Variants in TYW3 observed in about 807,000 individuals in gnomAD.
TYW3 encodes the protein tRNA-yW synthesizing protein 3 homolog.
TYW3 carries 26 observed loss-of-function variants against 23.1 expected under a neutral mutation model. That is an observed-to-expected ratio of 1.13 (90% CI 0.83 to 1.56). The LOEUF (loss-of-function observed/expected upper bound fraction) is 1.56, where lower values mean the gene tolerates loss of function less well. Among genes scored for constraint, TYW3 ranks in the 40% most tolerant of loss-of-function variants. TYW3 has a pLI of 0.00. For missense variants in TYW3, 316 were observed against 311.9 expected, an observed-to-expected ratio of 1.01 and a Z score of -0.10; for synonymous variants, 102 against 105.7, an observed-to-expected ratio of 0.97 and a Z score of 0.21.
intron 5 of TYW3, among the ~76,000 whole-genome samples, chr1:74,754,877 C>T (rs559369022): frequency 1.3e-5 from 2 of 152,118 alleles, no homozygotes; most frequent in African/African-American, 4.8e-5. Flanking sequence ...CAGGGACTGA[C>T]ACCAGATGTA....
At chr1:74,748,535 C>G (rs1011720316) in intron 3 of TYW3, 20 of 488,146 alleles carry the variant, frequency 4.1e-5, no homozygotes, top group African/African-American at 4.0e-4. Flanking sequence ...TACTCTTTCT[C>G]AATGACACAT....
chr1:74,735,614 A>G (rs1557740921), intron 1 of TYW3, among the ~76,000 whole-genome samples: 1 of 152,276 alleles, frequency 6.6e-6, no homozygotes, highest in Non-Finnish European at 1.5e-5. Context: ...AGATGAAGCC[A>G]GCGATGGCAT....
At chr1:74,760,329 C>T (rs559456101) in intron 5 of TYW3, among the ~76,000 whole-genome samples, 8 of 152,066 alleles carry the variant, frequency 5.3e-5, no homozygotes, top group Non-Finnish European at 1.0e-4. Flanking sequence ...TGTAAGTGGA[C>T]CTGTGTAGTT....
chr1:74,755,089 A>C lies in TYW3; in HGVS notation c.560+2664A>C, dbSNP rs1012709397. The stretch of plus-strand genomic sequence containing the variant: ...GAAAATATTACATAAAATGTACAAT[A>C]AAGGGGCAGAATATATTGTCATCTA... On this transcript the variant is annotated intron_variant, in intron 5 of 5. Transcript: ENST00000370867. Among the ~76,000 whole-genome samples, 3 of 152,234 alleles carry C rather than the reference A, an allele frequency of 2.0e-5. No individual in the cohort carries two copies. In the South Asian group the frequency reaches 6.2e-4, roughly 31 times the overall value.
At chr1:74,740,627 G>A (rs1648319567) in intron 3 of TYW3, among the ~76,000 whole-genome samples, 2 of 152,186 alleles carry the variant, frequency 1.3e-5, no homozygotes, top group African/African-American at 4.8e-5. Context: ...TTTTTACAGA[G>A]TGCTGATTGG....
chr1:74,744,880 A>G (rs150147184), intron 3 of TYW3, among the ~76,000 whole-genome samples: 2,711 of 152,018 alleles, frequency 0.018, 73 homozygotes, highest in African/African-American at 0.063. Context: ...TGAGTGTTAC[A>G]GCTCTTAAAG....
chr1:74,766,119 C>T lies in TYW3; in HGVS notation c.*2006C>T. ...ATGTGGTCATTGTAAAGCTGTAGCA[C>T]AACACATTACCCACGTTTGTGGTGA... On this transcript the variant is annotated 3_prime_UTR_variant, in exon 6 of 6. Transcript: ENST00000370867. 6.6e-6 allele frequency: 1 copy of T among 152,104 alleles called. No homozygotes were observed. Among genetic ancestry groups the T allele is most frequent in the East Asian group, 1.9e-4 (1 of 5,164 alleles). The allele number at this position is 152,104 out of a possible 1,614,324, so 9.4% of individuals were successfully genotyped here.
intron 5 of TYW3, among the ~76,000 whole-genome samples, chr1:74,754,700 T>C: frequency 6.6e-6 from 1 of 152,182 alleles, no homozygotes; most frequent in South Asian, 2.1e-4. Context: ...AGAGGTAGAA[T>C]ATTTTTAATA....
chr1:74,757,380 G>T (rs72973623), intron 5 of TYW3, among the ~76,000 whole-genome samples: 4,984 of 152,292 alleles, frequency 0.033, 257 homozygotes, highest in African/African-American at 0.11. Flanking sequence ...AAGACTATGG[G>T]AACCCACCTC....
At chr1:74,760,631 G>T (rs774353309) in intron 5 of TYW3, among the ~76,000 whole-genome samples, 3 of 152,182 alleles carry the variant, frequency 2.0e-5, no homozygotes, top group Non-Finnish European at 2.9e-5. Context: ...TGTAGCTCCT[G>T]TTAAACCATG....
At chr1:74,740,811 T>A (rs1233760471) in intron 3 of TYW3, among the ~76,000 whole-genome samples, 1 of 152,234 alleles carries the variant, frequency 6.6e-6, no homozygotes, top group Non-Finnish European at 1.5e-5. Context: ...CGCTAATTGG[T>A]GCGTTTTTAC....
intron 5 of TYW3, among the ~76,000 whole-genome samples, chr1:74,755,241 G>A (rs957845371): frequency 6.6e-6 from 1 of 152,056 alleles, no homozygotes; most frequent in African/African-American, 2.4e-5. Context: ...GTGGCATTAA[G>A]TGCATTCACA....
chr1:74,762,417 G>A (rs1649165615), intron 5 of TYW3, among the ~76,000 whole-genome samples: 1 of 152,086 alleles, frequency 6.6e-6, no homozygotes, highest in Non-Finnish European at 1.5e-5. Flanking sequence ...GCAGTGGCAG[G>A]GGGGTTTCCT....
At position 74,766,229 on chromosome 1, in the gene TYW3, A is replaced by G. The variant is rs1365254726; in HGVS notation, c.*2116A>G. ...TATGTTACTGGTTTGTGTCTTTGCT[A>G]TGCTTTTTATCATTATTTTAGGGTA... On this transcript the variant is annotated 3_prime_UTR_variant, in exon 6 of 6. Transcript: ENST00000370867. 1 of 152,134 alleles carries G rather than the reference A, an allele frequency of 6.6e-6. No individual in the cohort carries two copies. The highest frequency in any genetic ancestry group is 1.5e-5 in the Non-Finnish European group (1 of 67,992). 9.4% of individuals were successfully genotyped at this position (152,134 alleles called of 1,614,324 possible). A position where few individuals can be genotyped will look rare whatever the true frequency, so the allele number is the denominator to read the frequency against.
chr1:74,750,589 G>A (rs2100768645), intron 4 of TYW3, among the ~76,000 whole-genome samples: 1 of 151,882 alleles, frequency 6.6e-6, no homozygotes, highest in Non-Finnish European at 1.5e-5. Context: ...AAAACCTCAG[G>A]GCCTCCAAAC....
chr1:74,764,057 A>AATG lies in TYW3; in HGVS notation c.739_741dup (p.Asp247dup), dbSNP rs112765232. 17 of 1,613,086 alleles carry AATG rather than the reference A, an allele frequency of 1.1e-5. No homozygotes were observed. In the Admixed American group the frequency reaches 1.3e-4, roughly 13 times the overall value. On this transcript the variant is annotated inframe_insertion, in exon 6 of 6. Transcript: ENST00000370867. Reference sequence around the variant, plus strand: ...TAAAGAAAGTGATGAAGAACTTGAAAATGATGATGATGATGATCTAGGAAT... The same window carrying AATG: ...TAAAGAAAGTGATGAAGAACTTGAAAATGATGATGATGATGATGATCTAGGAAT...
At chr1:74,742,675 G>T (rs908766859) in intron 3 of TYW3, among the ~76,000 whole-genome samples, 1 of 152,194 alleles carries the variant, frequency 6.6e-6, no homozygotes, top group Non-Finnish European at 1.5e-5. Flanking sequence ...TTTACACTGT[G>T]TGTAGTAACT....
rs760506605 is a variant in TYW3 at position 74,748,828 on chromosome 1, A to T, written c.426+6A>T. 10 of 1,613,390 alleles carry T rather than the reference A, an allele frequency of 6.2e-6. 1 individual carries two copies. The highest frequency in any genetic ancestry group is 1.7e-5 in the Admixed American group (1 of 59,974). Reference sequence around the variant, plus strand: ...AGAGAGGAAAAACTATGTTGGTAAGATATTTTGTCAAAGAGTAATTTTTTT... The same window carrying T: ...AGAGAGGAAAAACTATGTTGGTAAGTTATTTTGTCAAAGAGTAATTTTTTT... On this transcript the variant is annotated splice_donor_region_variant and intron_variant, in intron 4 of 5. Transcript: ENST00000370867.
rs140424551 is a variant in TYW3, at chr1:74,743,797, G to A, written c.355-4954G>A. On this transcript the variant is annotated intron_variant, in intron 3 of 5. Coordinates refer to ENST00000370867, the MANE Select transcript of TYW3 (RefSeq NM_138467.3). ...AGATATCAGGTATCTCCAAACTCTC[G>A]GGCTGCAGCTAAAGCCACATTCTTT... Among the ~76,000 whole-genome samples, 426 of 152,148 alleles carry A rather than the reference G, an allele frequency of 2.8e-3. 1 individual carries two copies. Among genetic ancestry groups the A allele is most frequent in the Middle Eastern group, 0.01 (3 of 294 alleles).
Sources: gnomAD v4.1 joint callset for allele counts (sites outside exome capture counted in the v4.1 genomes callset) on GRCh38, gnomAD v4.1.1 for gene constraint, MANE v1.5 for transcripts, NCBI Gene and HGNC (gene_info 2026-07-23, HGNC 2026-07-21) for gene names.